The following RGL4 variants were observed in gnomAD, a reference collection of about 807,000 sequenced individuals.
RGL4 encodes ral-GDS-related protein.
A neutral mutation model predicts 49.6 loss-of-function variants in RGL4; 41 were observed. That is an observed-to-expected ratio of 0.83 (90% CI 0.64 to 1.07). The LOEUF (loss-of-function observed/expected upper bound fraction) is 1.07. Among genes scored for constraint, RGL4 ranks in the 50% least tolerant of loss-of-function variants. The pLI, the probability that RGL4 is intolerant of heterozygous loss-of-function variation, is 0.00. For synonymous variants in RGL4, 255 were observed against 238.0 expected (o/e 1.07, Z -0.66); for missense variants, 610 against 591.9 (o/e 1.03, Z -0.32).
At chr22:23,694,243 A>C in intron 4 of RGL4, 104 bp from the exon 5 acceptor site, 1 of 942,778 alleles carries the variant, frequency 1.1e-6, no homozygotes, top group African/African-American at 1.6e-5. Flanking sequence ...GAGGCTCCCC[A>C]GGCCTCTGCT....
At chr22:23,697,352 C>A in intron 8 of RGL4, 107 bp downstream of exon 8, 1 of 840,370 alleles carries the variant, frequency 1.2e-6, no homozygotes, top group Non-Finnish European at 1.9e-6. Flanking sequence ...ACCTCCTCTC[C>A]TAAGAGCCTC....
rs370588087 is a variant in RGL4, at chr22:23,696,598, C to T, written c.1087-16C>T. ...AGGAGGAGAGCCTCACTGTCCCTGT[C>T]GCTGACACCTGGCAGGCGGGGAGCT... On this transcript the variant is annotated splice_polypyrimidine_tract_variant and intron_variant, in intron 6 of 10. Coordinates refer to ENST00000290691, the MANE Select transcript of RGL4 (RefSeq NM_153615.2). 3.1e-6 allele frequency: 5 copies of T among 1,613,510 alleles called. No individual in the cohort carries two copies. The highest frequency in any genetic ancestry group is 1.7e-5 in the Admixed American group (1 of 59,988).
In RGL4 at chr22:23,691,942, G is replaced by C; in HGVS notation, c.-89G>C. ...AGAGACCCATCCCCCTCAGCACCGT[G>C]GCTTCCCAGCTCTCCCTGTCCTCCT... On this transcript the variant is annotated 5_prime_UTR_variant, in exon 1 of 11. Coordinates refer to ENST00000290691, the MANE Select transcript of RGL4 (RefSeq NM_153615.2). 7.0e-7 allele frequency: 1 copy of C among 1,420,902 alleles called. No homozygotes were observed. Among genetic ancestry groups the C allele is most frequent in the Middle Eastern group, 2.1e-4 (1 of 4,682 alleles). The allele number at this position is 1,420,902 out of a possible 1,614,324, so 88.0% of individuals were successfully genotyped here. A position where few individuals can be genotyped will look rare whatever the true frequency, so the allele number is the denominator to read the frequency against.
At position 23,691,984 on chromosome 22, in the gene RGL4, C is replaced by A. The variant is rs1200339343; in HGVS notation, c.-47C>A. ...TGTCCTCCTCCCCCCGACATCTGCC[C>A]CTTCCCTCCTAACCCCAGGACCAGG... is the stretch of plus-strand genomic sequence containing the variant. On this transcript the variant is annotated 5_prime_UTR_variant, in exon 1 of 11. Coordinates refer to ENST00000290691, the MANE Select transcript of RGL4 (RefSeq NM_153615.2). 2 of 1,594,690 alleles carry A rather than the reference C, an allele frequency of 1.3e-6. No individual in the cohort carries two copies. The highest frequency in any genetic ancestry group is 4.5e-5 in the East Asian group (2 of 44,564).
In RGL4 at chr22:23,692,535, G is replaced by T. The variant is rs1401674500; in HGVS notation, c.373+7G>T. The T allele has an allele frequency of 6.2e-7, 1 of 1,609,466 alleles. No homozygotes were observed. Among genetic ancestry groups the T allele is most frequent in the Admixed American group, 1.7e-5 (1 of 59,608 alleles). On this transcript the variant is annotated splice_region_variant and intron_variant, in intron 2 of 10. Coordinates refer to ENST00000290691, the MANE Select transcript of RGL4 (RefSeq NM_153615.2). ...AACGAGGCCAAGCCAGATGGTGAGG[G>T]GGCTTGCAGTCTGCAAGACTTTCCG...
chr22:23,694,146 G>A, intron 4 of RGL4, 172 bp downstream of exon 4: 1 of 717,422 alleles, frequency 1.4e-6, no homozygotes, highest in African/African-American at 1.8e-5. Flanking sequence ...AGTGGTGGCT[G>A]CTCACTTCCG....
chr22:23,693,983 T>C lies in RGL4; in HGVS notation c.912+9T>C. 6.2e-7 allele frequency: 1 copy of C among 1,611,350 alleles called. No individual in the cohort carries two copies. The highest frequency in any genetic ancestry group is 1.7e-4 in the Middle Eastern group (1 of 5,956). On this transcript the variant is annotated intron_variant, in intron 4 of 10. Coordinates refer to ENST00000290691, the MANE Select transcript of RGL4 (RefSeq NM_153615.2). ...GGATCAAGGTGGCCAGGGTAAGCTA[T>C]GGTTGGGCCTGGGGATTCCCTCTTT...
Position 23,692,340 on chromosome 22 carries a change from T to A in RGL4, c.185T>A (p.Ile62Asn), listed in dbSNP as rs1180042971. 1.8e-5 allele frequency: 29 copies of A among 1,614,022 alleles called. No homozygotes were observed. Among genetic ancestry groups the A allele is most frequent in the Non-Finnish European group, 2.5e-5 (29 of 1,179,932 alleles). ...GCTGTCTACTCCATCACCAGCACCA[T>A]CACCTCCATTTTGTTCAACTGGCCC... ...FQDSTDGLRT[I>N]TSILFNWPPE... is the part of the protein sequence containing the mutation. Residue 62 changes from isoleucine (I) to asparagine (N), a missense_variant, in exon 2 of 11, where the codon ATC (isoleucine) becomes AAC (asparagine). By Grantham distance (149) the Ile-to-Asn change is moderately radical (BLOSUM62 -3). Transcript: ENST00000290691.
chr22:23,696,475 A>G (rs1390968202), intron 6 of RGL4, 139 bp from the exon 7 acceptor site: 1 of 1,551,746 alleles, frequency 6.4e-7, no homozygotes, highest in Admixed American at 1.9e-5. Context: ...ACACACAGGG[A>G]GTGTGGATCT....
rs746447702 is a variant in RGL4, at chr22:23,693,764, G to A, written c.702G>A (p.Leu234=). The change falls in exon 4 of 11, where the codon CTG becomes CTA. Residue 234 remains leucine (L), a synonymous_variant. Coordinates refer to ENST00000290691, the MANE Select transcript of RGL4 (RefSeq NM_153615.2). ...ACTCTCCTCCTCCCCCAAAGGAGCT[G>A]TTCAAGAAGGTGGTGCTCCACGAAT... is the stretch of plus-strand genomic sequence containing the variant. ...AEQLTLMDAE[L]FKKVVLHECL... 3 of 1,613,970 alleles carry A rather than the reference G, an allele frequency of 1.9e-6. No homozygotes were observed. Among genetic ancestry groups the A allele is most frequent in the Non-Finnish European group, 2.5e-6 (3 of 1,179,900 alleles).
chr22:23,692,538 C>A lies in RGL4; in HGVS notation c.373+10C>A, dbSNP rs556802071. On this transcript the variant is annotated intron_variant, in intron 2 of 10. Coordinates refer to ENST00000290691, the MANE Select transcript of RGL4 (RefSeq NM_153615.2). ...GAGGCCAAGCCAGATGGTGAGGGGG[C>A]TTGCAGTCTGCAAGACTTTCCGGGG... The A allele has an allele frequency of 6.2e-6, 10 of 1,609,430 alleles. No individual in the cohort carries two copies. The South Asian group carries it at 1.1e-4, about 18-fold the overall frequency.
At chr22:23,697,962 CT>C in intron 9 of RGL4, 101 bp downstream of exon 9, 1 of 1,408,992 alleles carries the variant, frequency 7.1e-7, no homozygotes, top group Non-Finnish European at 9.9e-7. Context: ...ACATCTTAGG[CT>C]TACTGGGAGT....
In RGL4 at chr22:23,692,024, A is replaced by G. The variant is rs781454536; in HGVS notation, c.-7A>G. 9 of 1,612,474 alleles carry G rather than the reference A, an allele frequency of 5.6e-6. No homozygotes were observed. The Admixed American group carries it at 1.5e-4, about 27-fold the overall frequency. On this transcript the variant is annotated 5_prime_UTR_variant, in exon 1 of 11. Transcript: ENST00000290691. ...CCAGGACCAGGGGACCCAGATCTGG[A>G]GCTTTGATGAGGAAGCTGCTCACAA...
intron 7 of RGL4, among the ~76,000 whole-genome samples, 178 bp downstream of exon 7, chr22:23,696,866 C>G (rs1400335770): frequency 6.6e-6 from 1 of 152,208 alleles, no homozygotes; most frequent in Non-Finnish European, 1.5e-5. Flanking sequence ...TCTGGGAAAG[C>G]TGGACTCAGA....
In RGL4 at chr22:23,698,224, C is replaced by G. The variant is rs775168849; in HGVS notation, c.1273C>G (p.Leu425Val). The G allele has an allele frequency of 1.2e-6, 2 of 1,607,628 alleles. No homozygotes were observed. Among genetic ancestry groups the G allele is most frequent in the African/African-American group, 2.7e-5 (2 of 74,836 alleles). Reference sequence around the variant, plus strand: ...CCTCTGTCTCTAGGAGGTCCGAGTTCTGCAGGAAATGCAGCTGCTCCAAGT... The same window carrying G: ...CCTCTGTCTCTAGGAGGTCCGAGTTGTGCAGGAAATGCAGCTGCTCCAAGT... ...TNKRSKEVRV[L>V]QEMQLLQVAA... The change falls in exon 10 of 11, where the codon CTG (leucine) becomes GTG (valine). Residue 425 changes from leucine to valine, a missense_variant. By Grantham distance (32) the Leu-to-Val change is conservative. Coordinates refer to ENST00000290691, the MANE Select transcript of RGL4 (RefSeq NM_153615.2).
chr22:23,698,894 T>A lies in RGL4; in HGVS notation c.*11T>A, dbSNP rs369410405. The A allele has an allele frequency of 2.1e-4, 336 of 1,612,492 alleles. No individual in the cohort carries two copies. Among genetic ancestry groups the A allele is most frequent in the Non-Finnish European group, 2.6e-4 (306 of 1,179,450 alleles). On this transcript the variant is annotated 3_prime_UTR_variant, in exon 11 of 11. Transcript: ENST00000290691. The stretch of plus-strand genomic sequence containing the variant: ...CCCGAAAACCCGTAGGCTGGCAACA[T>A]CCTGCAGTGGCTGGGAACCCACCGG...
rs1044350187 is a variant in RGL4, at chr22:23,691,971, C to T, written c.-60C>T. 6.4e-7 allele frequency: 1 copy of T among 1,570,724 alleles called. No homozygotes were observed. Among genetic ancestry groups the T allele is most frequent in the Non-Finnish European group, 8.7e-7 (1 of 1,151,340 alleles). On this transcript the variant is annotated 5_prime_UTR_variant, in exon 1 of 11. Coordinates refer to ENST00000290691, the MANE Select transcript of RGL4 (RefSeq NM_153615.2). ...TCCCAGCTCTCCCTGTCCTCCTCCC[C>T]CCGACATCTGCCCCTTCCCTCCTAA...
chr22:23,696,712 G>A (rs769522088), intron 7 of RGL4, 24 bp downstream of exon 7: 23 of 1,596,628 alleles, frequency 1.4e-5, no homozygotes, highest in African/African-American at 2.7e-5. Flanking sequence ...TGGCATGGAC[G>A]GGCCGCAGGG....
chr22:23,693,405 C>T (rs1044422217), intron 3 of RGL4, among the ~76,000 whole-genome samples: 1 of 152,152 alleles, frequency 6.6e-6, no homozygotes, highest in African/African-American at 2.4e-5. Flanking sequence ...GAAAGTGCAC[C>T]GGTACGGAGA....
Sources: gnomAD v4.1 joint callset for allele counts (sites outside exome capture counted in the v4.1 genomes callset) on GRCh38, gnomAD v4.1.1 for gene constraint, MANE v1.5 for transcripts, NCBI Gene and HGNC (gene_info 2026-07-23, HGNC 2026-07-21) for gene names.